Variants in ARFGAP3 observed in about 807,000 individuals in gnomAD.
ARFGAP3 encodes ARF GTPase activating protein 3, also known as ADP-ribosylation factor GTPase-activating protein 3.
ARFGAP3 carries 72 observed loss-of-function variants against 75.0 expected under a neutral mutation model. That is an observed-to-expected ratio of 0.96 (90% CI 0.79 to 1.17). The LOEUF (loss-of-function observed/expected upper bound fraction) is 1.17. Ranked by LOEUF, ARFGAP3 falls within the 50% of genes most tolerant of loss-of-function variation. The pLI, the probability that ARFGAP3 is intolerant of heterozygous loss-of-function variation, is 0.00. For synonymous variants in ARFGAP3, 221 were observed against 217.9 expected, an observed-to-expected ratio of 1.01 and a Z score of -0.13; for missense variants, 620 against 626.6, an observed-to-expected ratio of 0.99 and a Z score of 0.11.
In ARFGAP3 at chr22:42,797,576, A is replaced by G. The variant is rs1405427414; in HGVS notation, c.*12T>C. 1.2e-6 allele frequency: 2 copies of G among 1,614,082 alleles called. No individual in the cohort carries two copies. Among genetic ancestry groups the G allele is most frequent in the Non-Finnish European group, 1.7e-6 (2 of 1,180,006 alleles). On this transcript the variant is annotated 3_prime_UTR_variant, in exon 16 of 16. Transcript: ENST00000263245. ...GGAATTTCTCCAGGAAATACACATC[A>G]TGACTTCAGTATTAAGAACCGTAGC...
At chr22:42,804,069 A>G (rs924930736) in intron 14 of ARFGAP3, among the ~76,000 whole-genome samples, 2 of 151,200 alleles carry the variant, frequency 1.3e-5, no homozygotes, top group African/African-American at 4.9e-5. Context: ...ATGCCTGGCT[A>G]ATTTTTGTAT....
At chr22:42,822,660 T>C (rs1925863819) in intron 8 of ARFGAP3, 1 of 153,454 alleles carries the variant, frequency 6.5e-6, no homozygotes, top group Admixed American at 6.5e-5. Flanking sequence ...AAGGGCGTAG[T>C]ATCTGCATTT....
intron 13 of ARFGAP3, 55 bp from the exon 14 acceptor site, chr22:42,807,218 G>C: frequency 1.3e-6 from 2 of 1,545,904 alleles, no homozygotes; most frequent in East Asian, 4.6e-5. Context: ...GGGCAGTTTT[G>C]CAAAAAGAAT....
chr22:42,815,340 C>T (rs1925529420), intron 11 of ARFGAP3, among the ~76,000 whole-genome samples: 2 of 151,324 alleles, frequency 1.3e-5, no homozygotes, highest in Non-Finnish European at 2.9e-5. Flanking sequence ...ATACAGGCTG[C>T]AAAGGATAGG....
intron 1 of ARFGAP3, among the ~76,000 whole-genome samples, chr22:42,850,529 C>T (rs899585906): frequency 2.2e-5 from 3 of 139,074 alleles, no homozygotes; most frequent in Non-Finnish European, 4.5e-5. Flanking sequence ...GCGGAGACCA[C>T]TCCACTGCAC....
In ARFGAP3 at chr22:42,822,393, C is replaced by A; in HGVS notation, c.689G>T (p.Gly230Val). The A allele has an allele frequency of 1.9e-6, 3 of 1,614,052 alleles. No homozygotes were observed. The highest frequency in any genetic ancestry group is 2.5e-6 in the Non-Finnish European group (3 of 1,180,002). The part of the protein sequence containing the change: ...QAKKGLGAKK[G>V]SLGAQKLANT... Reference sequence around the variant, plus strand: ...TGCCAGTTTCTGAGCTCCCAAACTTCCTTTTTTGGCCCCAAGCTAGAACAT... The same window carrying A: ...TGCCAGTTTCTGAGCTCCCAAACTTACTTTTTTGGCCCCAAGCTAGAACAT... Residue 230 changes from glycine (G) to valine (V), a missense_variant, in exon 9 of 16, where the codon GGA (glycine) becomes GTA (valine). By Grantham distance (109) the Gly-to-Val change is moderately radical (BLOSUM62 -3). Coordinates refer to ENST00000263245, the MANE Select transcript of ARFGAP3 (RefSeq NM_014570.5).
Position 42,852,150 on chromosome 22 carries a change from G to A in ARFGAP3, c.70-4518C>T, listed in dbSNP as rs892930196. Among the ~76,000 whole-genome samples, 3 of 151,596 alleles carry A rather than the reference G, an allele frequency of 2.0e-5. No individual in the cohort carries two copies. In the East Asian group the frequency reaches 5.8e-4, roughly 29 times the overall value. The stretch of plus-strand genomic sequence containing the variant: ...ACTCACTTCAACCTCTGCCTCCCGA[G>A]CTCAAGCAATCCTCCCACCTCAGCC... On this transcript the variant is annotated intron_variant, in intron 1 of 15. Transcript: ENST00000263245.
In ARFGAP3 at chr22:42,831,555, T is replaced by C. The variant is rs142176423; in HGVS notation, c.559A>G (p.Asn187Asp). 1.7e-4 allele frequency: 280 copies of C among 1,613,670 alleles called. 1 individual carries two copies. The highest frequency in any genetic ancestry group is 1.9e-4 in the Non-Finnish European group (230 of 1,179,866). Residue 187 changes from asparagine to aspartate, a missense_variant, in exon 6 of 16, where the codon AAT becomes GAT. Transcript: ENST00000263245. ...SRPVETTLEN[N>D]EGGQEQGPSV... ...ACAGTTCTAAGGACTCCACCTTCAT[T>C]ATTTTCCAAAGTGGTTTCCACAGGC...
intron 11 of ARFGAP3, 82 bp downstream of exon 11, chr22:42,817,060 T>G: frequency 2.0e-6 from 2 of 993,728 alleles, no homozygotes; most frequent in East Asian, 2.5e-5. Flanking sequence ...TTGTAATTTC[T>G]CCTAATGCAA....
chr22:42,851,520 T>A (rs965736634), intron 1 of ARFGAP3, among the ~76,000 whole-genome samples: 7 of 152,208 alleles, frequency 4.6e-5, no homozygotes, highest in African/African-American at 1.7e-4. Flanking sequence ...ACACAGGTGC[T>A]CACTAAATGC....
chr22:42,804,251 C>T (rs1350914231), intron 14 of ARFGAP3, among the ~76,000 whole-genome samples: 5 of 151,810 alleles, frequency 3.3e-5, no homozygotes, highest in Admixed American at 6.6e-5. Flanking sequence ...CATTCTATTG[C>T]CCAGGCTGGA....
At chr22:42,831,925 G>T (rs1189935055) in intron 5 of ARFGAP3, among the ~76,000 whole-genome samples, 11 of 152,072 alleles carry the variant, frequency 7.2e-5, no homozygotes, top group Admixed American at 7.2e-4. Flanking sequence ...TGAGATTGCA[G>T]GCATGTGCCA....
intron 4 of ARFGAP3, chr22:42,834,567 G>A (rs1290410205): frequency 4.8e-6 from 1 of 207,128 alleles, no homozygotes; most frequent in East Asian, 1.8e-4. Flanking sequence ...TTTCTGAAAA[G>A]GAAAGATCAA....
At chr22:42,850,571 CAAAAAAAAAAA>C (rs57841993) in intron 1 of ARFGAP3, among the ~76,000 whole-genome samples, 2 of 57,590 alleles carry the variant, frequency 3.5e-5, no homozygotes, top group East Asian at 6.2e-4. Flanking sequence ...ACCCTGCTAT[CAAAAAAAAAAA>C]AAAAAAAAAA....
At chr22:42,827,656 G>A (rs952873602) in intron 6 of ARFGAP3, among the ~76,000 whole-genome samples, 3 of 152,194 alleles carry the variant, frequency 2.0e-5, no homozygotes, top group Non-Finnish European at 4.4e-5. Context: ...GTGAGCCACT[G>A]AACCCGGCCT....
chr22:42,834,471 C>A (rs1926434860), intron 4 of ARFGAP3, 146 bp from the exon 5 acceptor site: 2 of 1,393,090 alleles, frequency 1.4e-6, no homozygotes, highest in Non-Finnish European at 1.9e-6. Flanking sequence ...CTACAGAGGA[C>A]CTCTGCGTGC....
chr22:42,852,394 C>T (rs891047386), intron 1 of ARFGAP3, among the ~76,000 whole-genome samples: 4 of 151,884 alleles, frequency 2.6e-5, no homozygotes, highest in African/African-American at 9.7e-5. Flanking sequence ...GGGTCTCGCT[C>T]TGTCGCCCAC....
In ARFGAP3 at chr22:42,835,406, T is replaced by C; in HGVS notation, c.349A>G (p.Ile117Val). 6.2e-7 allele frequency: 1 copy of C among 1,614,166 alleles called. No individual in the cohort carries two copies. Among genetic ancestry groups the C allele is most frequent in the Non-Finnish European group, 8.5e-7 (1 of 1,180,012 alleles). Residue 117 changes from isoleucine (I) to valine (V), a missense_variant, in exon 4 of 16, where the codon ATC (isoleucine) becomes GTC (valine). Physicochemically the swap from Ile to Val is conservative, Grantham distance 29. Transcript: ENST00000263245. ...SRAAQLYREKIKSLASQATRK... is the reference protein window; with the variant it reads ...SRAAQLYREKVKSLASQATRK... ...GTTGCTTGAGAGGCGAGCGATTTGA[T>C]TTTCTCCCTATAGAGCTGAGCAGCA...
At chr22:42,831,158 A>C (rs1926265891) in intron 6 of ARFGAP3, among the ~76,000 whole-genome samples, 1 of 151,886 alleles carries the variant, frequency 6.6e-6, no homozygotes. Flanking sequence ...TGTGCGGTGC[A>C]TGTCTGTAAT....
Sources: allele counts gnomAD v4.1 joint callset (sites outside exome capture counted in the v4.1 genomes callset), GRCh38; gene constraint gnomAD v4.1.1; transcripts MANE v1.5; gene names NCBI Gene and HGNC (gene_info 2026-07-23, HGNC 2026-07-21).